The following ESR1 variants were observed in gnomAD, a reference collection of about 807,000 sequenced individuals.
The protein encoded by ESR1 is estrogen receptor.
Under a neutral mutation model 52.7 loss-of-function variants are expected in ESR1, and 12 were observed. That is an observed-to-expected ratio of 0.23 (90% CI 0.15 to 0.37). The LOEUF (loss-of-function observed/expected upper bound fraction) is 0.37, where lower values mean the gene tolerates loss of function less well. ESR1 is among the 10% of genes least tolerant of loss of function. The probability of loss-of-function intolerance (pLI) is 1.00; values close to 1 mark genes in which losing one functional copy is unlikely to be tolerated. For missense variants in ESR1, 584 were observed against 779.7 expected (o/e 0.75, Z 2.99); for synonymous variants, 305 against 316.8 (o/e 0.96, Z 0.39).
chr6:151,936,957 G>A (rs1243364598), intron 3 of ESR1, among the ~76,000 whole-genome samples: 1 of 152,154 alleles, frequency 6.6e-6, no homozygotes, highest in Admixed American at 6.5e-5. Flanking sequence ...AAAATGGGGT[G>A]TTAATTTGGT....
chr6:151,944,609 TATGTA>T, intron 4 of ESR1, 101 bp downstream of exon 4: 3 of 1,044,738 alleles, frequency 2.9e-6, no homozygotes, highest in Non-Finnish European at 4.4e-6. Context: ...AATAACATGT[TATGTA>T]ATTGGTTTCA....
At chr6:151,687,818 T>A (rs1057441990), upstream of ESR1, among the ~76,000 whole-genome samples, 21 of 152,272 alleles carry the variant, frequency 1.4e-4, no homozygotes, top group Non-Finnish European at 2.4e-4. Context: ...CCTCTTTTTT[T>A]AAAAAAATAA....
chr6:151,883,939 AC>A (rs1401852960), intron 3 of ESR1, among the ~76,000 whole-genome samples: 1 of 152,016 alleles, frequency 6.6e-6, no homozygotes, highest in Non-Finnish European at 1.5e-5. Context: ...AATCTTAATC[AC>A]CTCACTTAAG....
chr6:151,733,162 A>C (rs1198609658), intron 2 of ESR1, among the ~76,000 whole-genome samples: 2 of 152,168 alleles, frequency 1.3e-5, no homozygotes, highest in Admixed American at 1.3e-4. Flanking sequence ...GGTGATTCTC[A>C]TACTCCCATT....
chr6:152,022,701 G>A (rs2043775971), intron 5 of ESR1, among the ~76,000 whole-genome samples: 2 of 152,152 alleles, frequency 1.3e-5, no homozygotes, highest in African/African-American at 4.8e-5. Context: ...GCCGGGTGCA[G>A]TGGCTTACGC....
At chr6:151,856,471 A>G (rs1259016023) in intron 2 of ESR1, among the ~76,000 whole-genome samples, 3 of 152,206 alleles carry the variant, frequency 2.0e-5, no homozygotes, top group African/African-American at 4.8e-5. Context: ...TTTCCACAAC[A>G]TGAACAATTA....
intron 3 of ESR1, among the ~76,000 whole-genome samples, chr6:151,899,290 C>T (rs1201239827): frequency 3.4e-4 from 45 of 134,010 alleles, no homozygotes; most frequent in African/African-American, 1.2e-3. Context: ...GGCGGCTGGC[C>T]GGGCGGGGGG....
At chr6:152,017,052 A>G (rs1173026604) in intron 5 of ESR1, among the ~76,000 whole-genome samples, 9 of 152,180 alleles carry the variant, frequency 5.9e-5, no homozygotes, top group Non-Finnish European at 1.3e-4. Context: ...GGTCCCTTAC[A>G]AGACCATGAG....
chr6:151,971,778 C>A (rs1278928238), intron 4 of ESR1, among the ~76,000 whole-genome samples: 7 of 151,856 alleles, frequency 4.6e-5, no homozygotes, highest in Non-Finnish European at 8.8e-5. Flanking sequence ...CAAACCCAAA[C>A]CCAGCAGAAG....
chr6:151,686,499 C>T (rs1217421838), upstream of ESR1, among the ~76,000 whole-genome samples: 1 of 152,170 alleles, frequency 6.6e-6, no homozygotes, highest in Non-Finnish European at 1.5e-5. Context: ...TCCCGGCTAA[C>T]ATGGTGAAAC....
At chr6:151,769,943 G>A (rs142312790) in intron 2 of ESR1, among the ~76,000 whole-genome samples, 8 of 151,800 alleles carry the variant, frequency 5.3e-5, no homozygotes, top group South Asian at 2.1e-4. Context: ...CAGGAGAATC[G>A]CTTGAATCCG....
intron 6 of ESR1, among the ~76,000 whole-genome samples, chr6:152,117,478 T>C (rs558447513): frequency 2.2e-4 from 33 of 152,282 alleles, no homozygotes; most frequent in African/African-American, 7.9e-4. Flanking sequence ...ATAATTGCGG[T>C]TTTCAAATTC....
At chr6:151,795,877 C>T (rs903548344) in intron 2 of ESR1, among the ~76,000 whole-genome samples, 11 of 151,866 alleles carry the variant, frequency 7.2e-5, no homozygotes, top group Admixed American at 5.9e-4. Flanking sequence ...TGGCCGGGTG[C>T]GGTGGCTCAC....
chr6:151,716,442 C>T (rs1352020043), intron 2 of ESR1, among the ~76,000 whole-genome samples: 1 of 152,162 alleles, frequency 6.6e-6, no homozygotes, highest in East Asian at 1.9e-4. Context: ...GCCGCCGCTT[C>T]CCCCAGGTGC....
chr6:152,065,061 G>A (rs1298893322), intron 6 of ESR1, among the ~76,000 whole-genome samples: 3 of 152,130 alleles, frequency 2.0e-5, no homozygotes, highest in Non-Finnish European at 2.9e-5. Flanking sequence ...TGGCTTAAAC[G>A]GAGTAGGTTC....
At chr6:152,045,131 G>A (rs547343983) in intron 5 of ESR1, among the ~76,000 whole-genome samples, 1 of 152,276 alleles carries the variant, frequency 6.6e-6, no homozygotes, top group South Asian at 2.1e-4. Context: ...GGAAGAAGTG[G>A]CAGTGTGGAA....
At chr6:151,821,673 T>C (rs552562513) in intron 1 of ESR1, among the ~76,000 whole-genome samples, 4 of 152,190 alleles carry the variant, frequency 2.6e-5, no homozygotes, top group Non-Finnish European at 5.9e-5. Context: ...CATTATTTCA[T>C]TATAGATATT....
chr6:151,786,748 G>T (rs889905105), intron 2 of ESR1, among the ~76,000 whole-genome samples: 4 of 149,976 alleles, frequency 2.7e-5, no homozygotes, highest in African/African-American at 4.9e-5. Flanking sequence ...TCAATCTTCT[G>T]TCTATGGGTA....
intron 1 of ESR1, among the ~76,000 whole-genome samples, chr6:151,678,660 C>T (rs1167958220): frequency 2.0e-5 from 3 of 151,544 alleles, no homozygotes; most frequent in Non-Finnish European, 2.9e-5. Context: ...GGATCAGACA[C>T]CTGTCTGGGC....
Sources: allele counts gnomAD v4.1 joint callset (sites outside exome capture counted in the v4.1 genomes callset), GRCh38; gene constraint gnomAD v4.1.1; transcripts MANE v1.5; gene names NCBI Gene and HGNC (gene_info 2026-07-23, HGNC 2026-07-21).